DICER1: variants seen among roughly 807,000 people sequenced by gnomAD.
DICER1 encodes the protein endoribonuclease Dicer.
A neutral mutation model predicts 194.1 loss-of-function variants in DICER1; 43 were observed. The observed-to-expected ratio is 0.22, with a 90% CI of 0.17 to 0.29. The LOEUF (loss-of-function observed/expected upper bound fraction) is 0.29, where lower values mean the gene tolerates loss of function less well. Ranked by LOEUF, DICER1 falls within the 10% of genes least tolerant of loss-of-function variation. The pLI is 1.00. For synonymous variants in DICER1, 832 were observed against 820.5 expected (o/e 1.01, Z -0.24); for missense variants, 1,608 against 2,317.0 (o/e 0.69, Z 6.28).
At chr14:95,112,980 AAGT>A in intron 12 of DICER1, 109 bp downstream of exon 12, 2 of 1,173,814 alleles carry the variant, frequency 1.7e-6, no homozygotes. Context: ...CTGCTCATGA[AAGT>A]AGATTTTAAA....
In DICER1 at chr14:95,105,961, C is replaced by A. The variant is rs951402401; in HGVS notation, c.2987+80G>T. ...GATAGTCCACGGGTGGGCAGGGGGA[C>A]AGTGAACCTCTGCATGTCTAGTGAT... On this transcript the variant is annotated intron_variant, in intron 18 of 26. Coordinates refer to ENST00000343455, the MANE Select transcript of DICER1 (RefSeq NM_177438.3). The surrounding 1 kb of genome is among the most constrained non-coding windows in gnomAD (Gnocchi z 4.9). 1.3e-5 allele frequency: 19 copies of A among 1,518,256 alleles called. No homozygotes were observed. In the African/African-American group the frequency reaches 1.5e-4, roughly 12 times the overall value. 94.0% of individuals were successfully genotyped at this position (1,518,256 alleles called of 1,614,324 possible).
At chr14:95,140,175 AAAC>A (rs1282930810) in intron 1 of DICER1, among the ~76,000 whole-genome samples, 1 of 152,182 alleles carries the variant, frequency 6.6e-6, no homozygotes, top group African/African-American at 2.4e-5. Context: ...ATTTCTGGTC[AAAC>A]AACTTACCCT....
At chr14:95,111,094 GA>G (rs1193154700) in intron 14 of DICER1, among the ~76,000 whole-genome samples, 1 of 152,088 alleles carries the variant, frequency 6.6e-6, no homozygotes, top group Non-Finnish European at 1.5e-5. Context: ...CTTTTGAGAA[GA>G]AAAACAAAAG....
In DICER1 at chr14:95,133,425, C is replaced by A. The variant is rs1566816656; in HGVS notation, c.34G>T (p.Ala12Ser). ...KSPALQPLSM[A>S]GLQLMTPASS... ...GCAGGGGTCATGAGCTGCAGGCCTG[C>A]CATGCTGAGGGGTTGCAAAGCAGGG... Residue 12 changes from alanine to serine, a missense_variant, in exon 2 of 27, where the codon GCA (alanine) becomes TCA (serine). Around this residue, in one of 10 missense-constraint regions of DICER1, gnomAD observed 657 missense variants for 910.1 expected, o/e 0.72. Transcript: ENST00000343455. 1.2e-6 allele frequency: 2 copies of A among 1,613,810 alleles called. No homozygotes were observed. Among genetic ancestry groups the A allele is most frequent in the Non-Finnish European group, 1.7e-6 (2 of 1,179,846 alleles).
chr14:95,108,104 G>A lies in DICER1; in HGVS notation c.2437-11C>T. The A allele has an allele frequency of 6.3e-7, 1 of 1,599,318 alleles. No homozygotes were observed. Among genetic ancestry groups the A allele is most frequent in the East Asian group, 2.2e-5 (1 of 44,766 alleles). ...AGGAAAGTGTGGAATCTTAGCAAAA[G>A]GAAATGTAAAGCACCCCTCAAAATT... On this transcript the variant is annotated splice_polypyrimidine_tract_variant and intron_variant, in intron 15 of 26. Coordinates refer to ENST00000343455, the MANE Select transcript of DICER1 (RefSeq NM_177438.3).
intron 6 of DICER1, 74 bp from the exon 7 acceptor site, chr14:95,126,822 CAAAAAA>C: frequency 5.8e-6 from 2 of 342,242 alleles, no homozygotes; most frequent in East Asian, 5.3e-5. Context: ...TTTCAAAAAG[CAAAAAA>C]AAAAAAAAGG....
At position 95,099,878 on chromosome 14, in the gene DICER1, C is replaced by A; in HGVS notation, c.4108G>T (p.Val1370Leu). 6.2e-7 allele frequency: 1 copy of A among 1,614,024 alleles called. No individual in the cohort carries two copies. The highest frequency in any genetic ancestry group is 8.5e-7 in the Non-Finnish European group (1 of 1,179,984). ...ACAGGGGGATCAAATATTGACACCA[C>A]CATGCGGCTGGGTAGTCCCTTCTTT... ...GKKKGLPSRM[V>L]VSIFDPPVNW... Residue 1370 changes from valine (V) to leucine (L), a missense_variant, in exon 22 of 27, where the codon GTG becomes TTG. This residue lies in a region of DICER1 where 58 missense variants were observed against 125.7 expected (regional missense o/e 0.46). Coordinates refer to ENST00000343455, the MANE Select transcript of DICER1 (RefSeq NM_177438.3).
At position 95,090,567 on chromosome 14, in the gene DICER1, G is replaced by A. The variant is rs2139766076; in HGVS notation, c.5700C>T (p.Ala1900=). 1 of 1,614,086 alleles carries A rather than the reference G, an allele frequency of 6.2e-7. No individual in the cohort carries two copies. Among genetic ancestry groups the A allele is most frequent in the Non-Finnish European group, 8.5e-7 (1 of 1,180,008 alleles). ...FKGVGRSYRI[A]KSAAARRALR... ...GGGCTCTTCTTGCTGCTGCAGATTT[G>A]GCAATCCTGTAACTTCGACCAACAC... Residue 1900 remains alanine (A), a synonymous_variant, in exon 27 of 27, where the codon GCC becomes GCT. Coordinates refer to ENST00000343455, the MANE Select transcript of DICER1 (RefSeq NM_177438.3).
At chr14:95,099,322 A>G (rs539857203) in intron 22 of DICER1, among the ~76,000 whole-genome samples, 16 of 152,240 alleles carry the variant, frequency 1.1e-4, no homozygotes, top group Admixed American at 7.2e-4. Flanking sequence ...TTAAGTTCAC[A>G]GGAGTCCTGA....
chr14:95,154,474 A>T (rs1895713742), intron 1 of DICER1, among the ~76,000 whole-genome samples: 1 of 152,238 alleles, frequency 6.6e-6, no homozygotes. Flanking sequence ...TGGACAGATG[A>T]ATGGATAAAC....
chr14:95,090,790 G>A (rs1387765162), intron 26 of DICER1, 127 bp from the exon 27 acceptor site: 4 of 1,200,104 alleles, frequency 3.3e-6, no homozygotes, highest in East Asian at 4.7e-5. Flanking sequence ...AAGGAAACAC[G>A]CGTTACGACT....
At chr14:95,141,352 T>G (rs1250678529) in intron 1 of DICER1, among the ~76,000 whole-genome samples, 1 of 152,194 alleles carries the variant, frequency 6.6e-6, no homozygotes, top group Non-Finnish European at 1.5e-5. Context: ...AATTTAAATT[T>G]GGGGTGGCTC....
At position 95,110,935 on chromosome 14, in the gene DICER1, CT is replaced by C. The variant is rs1178791739; in HGVS notation, c.2256+381del. ...TCTTGAGAGGGCATCTTTTCACTTG[CT>C]TATTTTATCACACAAATCCTCTTCT... On this transcript the variant is annotated intron_variant, in intron 14 of 26. Coordinates refer to ENST00000343455, the MANE Select transcript of DICER1 (RefSeq NM_177438.3). Among the ~76,000 whole-genome samples the C allele has an allele frequency of 4.6e-5, 7 of 152,230 alleles. No homozygotes were observed. The East Asian group carries it at 1.2e-3, about 25-fold the overall frequency.
intron 9 of DICER1, 81 bp downstream of exon 9, chr14:95,117,541 G>C: frequency 7.0e-7 from 1 of 1,430,578 alleles, no homozygotes; most frequent in Non-Finnish European, 9.8e-7. Context: ...GGGAAACTAT[G>C]AAAAAAGGGA....
At chr14:95,101,121 T>C (rs1235197628) in intron 21 of DICER1, among the ~76,000 whole-genome samples, 3 of 152,164 alleles carry the variant, frequency 2.0e-5, no homozygotes, top group Non-Finnish European at 4.4e-5. Context: ...GGCAAAATTC[T>C]GGACAGGTAG....
At chr14:95,129,897 T>C (rs984504214) in intron 5 of DICER1, among the ~76,000 whole-genome samples, 161 bp downstream of exon 5, 6 of 152,236 alleles carry the variant, frequency 3.9e-5, no homozygotes, top group African/African-American at 1.4e-4. Context: ...AAGTTTATTA[T>C]AGATTTAAAT....
At chr14:95,098,051 G>A (rs1405881563) in intron 22 of DICER1, among the ~76,000 whole-genome samples, 2 of 151,918 alleles carry the variant, frequency 1.3e-5, no homozygotes, top group Non-Finnish European at 2.9e-5. Flanking sequence ...AAAACCTTCT[G>A]TATCTTTAGA....
At chr14:95,155,320 G>C (rs1332702791) in intron 1 of DICER1, among the ~76,000 whole-genome samples, 3 of 152,192 alleles carry the variant, frequency 2.0e-5, no homozygotes, top group African/African-American at 4.8e-5. Context: ...GTGAGAGACT[G>C]TCTACGAAAT....
In DICER1 at chr14:95,119,673, G is replaced by T. The variant is rs150556325; in HGVS notation, c.1377-1919C>A. On this transcript the variant is annotated intron_variant, in intron 8 of 26. Coordinates refer to ENST00000343455, the MANE Select transcript of DICER1 (RefSeq NM_177438.3). ...CCAGCAAAGTATACTGTTCCCTAAT[G>T]CACAGTGTTTCTGAAACGATCTGCA... is the stretch of plus-strand genomic sequence containing the variant. 5.5e-3 allele frequency among the ~76,000 whole-genome samples: 830 copies of T among 152,114 alleles called. 2 individuals carry two copies. The highest frequency in any genetic ancestry group is 0.024 in the Middle Eastern group (7 of 294).
Sources: allele counts gnomAD v4.1 joint callset (sites outside exome capture counted in the v4.1 genomes callset), GRCh38; gene constraint gnomAD v4.1.1; regional missense constraint gnomAD v4.1.1; non-coding constraint Gnocchi (gnomAD v3.1); transcripts MANE v1.5; gene names NCBI Gene and HGNC (gene_info 2026-07-23, HGNC 2026-07-21).